Variants in C6orf62 observed in about 807,000 individuals in gnomAD.
The protein encoded by C6orf62 is chromosome 6 open reading frame 62, also known as uncharacterized protein C6orf62.
Under a neutral mutation model 26.8 loss-of-function variants are expected in C6orf62, and 16 were observed. The ratio of observed to expected loss-of-function variants is 0.60; its 90% CI spans 0.40 to 0.91. The LOEUF is 0.91. C6orf62 is among the 40% of genes least tolerant of loss of function. The pLI, the probability that C6orf62 is intolerant of heterozygous loss-of-function variation, is 0.00. For synonymous variants in C6orf62, 112 were observed against 91.5 expected (o/e 1.22, Z -1.28); for missense variants, 192 against 271.4 (o/e 0.71, Z 2.06).
chr6:24,711,093 G>A (rs904777572), intron 3 of C6orf62, among the ~76,000 whole-genome samples: 7 of 152,128 alleles, frequency 4.6e-5, no homozygotes, highest in African/African-American at 1.2e-4. Context: ...TAACAAAGCT[G>A]CAATATGGTA....
chr6:24,715,955 C>T (rs1446106844), intron 2 of C6orf62, among the ~76,000 whole-genome samples, 193 bp downstream of exon 2: 3 of 148,334 alleles, frequency 2.0e-5, no homozygotes, highest in African/African-American at 5.0e-5. Flanking sequence ...CGTAAAAAAA[C>T]GTGTTTTTCT....
chr6:24,720,398 G>T, upstream of C6orf62: 1 of 1,160,022 alleles, frequency 8.6e-7, no homozygotes, highest in Non-Finnish European at 1.1e-6. Context: ...TGACTGGACC[G>T]CCCGCGCTGC....
chr6:24,719,818 A>AG (rs1323416635), upstream of C6orf62: 24 of 897,070 alleles, frequency 2.7e-5, no homozygotes, highest in Non-Finnish European at 3.0e-5. Flanking sequence ...CCACCCCCGC[A>AG]GGTCCCACCC....
chr6:24,713,373 C>T (rs1349521256), intron 3 of C6orf62, among the ~76,000 whole-genome samples: 1 of 152,088 alleles, frequency 6.6e-6, no homozygotes, highest in African/African-American at 2.4e-5. Context: ...ATTATTAGAG[C>T]TTATGTGTAG....
upstream of C6orf62, chr6:24,719,916 A>C: frequency 6.4e-7 from 1 of 1,550,408 alleles, no homozygotes; most frequent in Non-Finnish European, 8.7e-7. Context: ...TCGTGGAAAC[A>C]ATTCCCGCCC....
At chr6:24,719,796 AC>A (rs1285596733), upstream of C6orf62, 1 of 1,547,220 alleles carries the variant, frequency 6.5e-7, no homozygotes, top group African/African-American at 1.4e-5. Context: ...GTGCCCGGAG[AC>A]CACCTGCCTT....
At position 24,719,020 on chromosome 6, in the gene C6orf62, A is replaced by C; in HGVS notation, c.-352T>G. On this transcript the variant is annotated 5_prime_UTR_variant, in exon 1 of 5. Transcript: ENST00000378119. ...ATAAAGGCTTTGCGGAGAAATGAAA[A>C]GCCTATAATCAGGATTTAGGTGTGC... The C allele has an allele frequency of 1.8e-6, 2 of 1,117,120 alleles. No homozygotes were observed. The highest frequency in any genetic ancestry group is 4.2e-5 in the South Asian group (2 of 47,234). 69.2% of individuals were successfully genotyped at this position (1,117,120 alleles called of 1,614,324 possible).
At chr6:24,710,625 C>A (rs1443877813) in intron 3 of C6orf62, 2 of 984,098 alleles carry the variant, frequency 2.0e-6, no homozygotes, top group Non-Finnish European at 2.4e-6. Context: ...CAGTAAGTAA[C>A]ACGGGAACAT....
intron 4 of C6orf62, 90 bp downstream of exon 4, chr6:24,708,687 C>A: frequency 6.6e-7 from 1 of 1,519,342 alleles, no homozygotes; most frequent in Non-Finnish European, 9.1e-7. Context: ...GTTTGGGGGA[C>A]ACAACAATTA....
In C6orf62 at chr6:24,719,046, A is replaced by G. The variant is rs1000037437; in HGVS notation, c.-378T>C. Reference sequence around the variant, plus strand: ...GCCTATAATCAGGATTTAGGTGTGCAATAAAACACAGCTGACACCAGACCA... The same window carrying G: ...GCCTATAATCAGGATTTAGGTGTGCGATAAAACACAGCTGACACCAGACCA... On this transcript the variant is annotated 5_prime_UTR_variant, in exon 1 of 5. Transcript: ENST00000378119. 9.3e-5 allele frequency: 98 copies of G among 1,053,740 alleles called. No homozygotes were observed. Among genetic ancestry groups the G allele is most frequent in the Non-Finnish European group, 1.1e-4 (96 of 872,734 alleles). 65.3% of individuals were successfully genotyped at this position (1,053,740 alleles called of 1,614,324 possible). A position where few individuals can be genotyped will look rare whatever the true frequency, so the allele number is the denominator to read the frequency against.
chr6:24,710,577 T>C (rs989080625), intron 3 of C6orf62: 41 of 983,724 alleles, frequency 4.2e-5, no homozygotes, highest in Non-Finnish European at 4.8e-5. Flanking sequence ...ATTGGGTTCT[T>C]ATCATCAAAC....
Position 24,718,967 on chromosome 6 carries a change from G to C in C6orf62, c.-299C>G, listed in dbSNP as rs1779295944. ...AAGAGGAGAAAATAACTAACTTTCT[G>C]GAAAACACATTTGGCTTAACTGCCA... On this transcript the variant is annotated 5_prime_UTR_variant, in exon 1 of 5. Coordinates refer to ENST00000378119, the MANE Select transcript of C6orf62 (RefSeq NM_030939.5). 1.7e-6 allele frequency: 2 copies of C among 1,170,694 alleles called. No homozygotes were observed. The highest frequency in any genetic ancestry group is 4.7e-5 in the Admixed American group (1 of 21,336). 72.5% of individuals were successfully genotyped at this position (1,170,694 alleles called of 1,614,324 possible). A position where few individuals can be genotyped will look rare whatever the true frequency, so the allele number is the denominator to read the frequency against.
At position 24,705,486 on chromosome 6, in the gene C6orf62, T is replaced by C. The variant is rs993218830; in HGVS notation, c.*651A>G. ...CACACGCAGCAGAATACTCTTACAA[T>C]AGCAACTTGGGGAAAGAGATCTGGA... On this transcript the variant is annotated 3_prime_UTR_variant, in exon 5 of 5. Coordinates refer to ENST00000378119, the MANE Select transcript of C6orf62 (RefSeq NM_030939.5). The C allele has an allele frequency of 2.6e-5, 4 of 152,400 alleles. No homozygotes were observed. The highest frequency in any genetic ancestry group is 4.8e-5 in the African/African-American group (2 of 41,350). The allele number at this position is 152,400 out of a possible 1,614,324, so 9.4% of individuals were successfully genotyped here. A position where few individuals can be genotyped will look rare whatever the true frequency, so the allele number is the denominator to read the frequency against.
chr6:24,709,483 A>C (rs1779078772), intron 3 of C6orf62: 1 of 963,924 alleles, frequency 1.0e-6, no homozygotes, highest in Admixed American at 6.5e-5. Flanking sequence ...GACCGTATGC[A>C]AATCCCTTAA....
chr6:24,710,209 AC>A (rs1779092172), intron 3 of C6orf62: 1 of 985,100 alleles, frequency 1.0e-6, no homozygotes, highest in Admixed American at 6.2e-5. Flanking sequence ...CAAATATAAA[AC>A]CCAACTTGCT....
chr6:24,720,107 G>A (rs1011041169), upstream of C6orf62: 4 of 1,377,252 alleles, frequency 2.9e-6, no homozygotes, highest in South Asian at 3.1e-5. Context: ...TGTTTAGGGT[G>A]GGGTCGTTAG....
chr6:24,720,403 C>A, upstream of C6orf62: 1 of 1,151,584 alleles, frequency 8.7e-7, no homozygotes, highest in South Asian at 4.1e-5. Flanking sequence ...GGACCGCCCG[C>A]GCTGCTGCCG....
chr6:24,719,288 G>C (rs1335645079), upstream of C6orf62: 2 of 989,256 alleles, frequency 2.0e-6, no homozygotes, highest in African/African-American at 3.5e-5. Flanking sequence ...CTAATTCTTA[G>C]TTATTTCAGA....
Position 24,714,453 on chromosome 6 carries a change from T to TAAAA in C6orf62, c.307-17_307-14dup, listed in dbSNP as rs199572171. The TAAAA allele has an allele frequency of 5.9e-6, 8 of 1,360,666 alleles. No individual in the cohort carries two copies. Among genetic ancestry groups the TAAAA allele is most frequent in the Admixed American group, 4.9e-5 (2 of 40,998 alleles). 84.3% of individuals were successfully genotyped at this position (1,360,666 alleles called of 1,614,324 possible). A position where few individuals can be genotyped will look rare whatever the true frequency, so the allele number is the denominator to read the frequency against. ...AGCCAATTACATCCTATAAAATGATTAAAAAAAAAAAAGTTTACTTTTAAA... is the reference window on the plus strand; with the variant it reads ...AGCCAATTACATCCTATAAAATGATTAAAAAAAAAAAAAAAAGTTTACTTTTAAA... On this transcript the variant is annotated splice_polypyrimidine_tract_variant and intron_variant, in intron 2 of 4. Transcript: ENST00000378119.
Sources: gnomAD v4.1 joint callset for allele counts (sites outside exome capture counted in the v4.1 genomes callset) on GRCh38, gnomAD v4.1.1 for gene constraint, MANE v1.5 for transcripts, NCBI Gene and HGNC (gene_info 2026-07-23, HGNC 2026-07-21) for gene names.